Variants in ST6GALNAC1 observed in about 807,000 individuals in gnomAD.
ST6GALNAC1 encodes ST6 N-acetylgalactosaminide alpha-2,6-sialyltransferase 1.
ST6GALNAC1 carries 45 observed loss-of-function variants against 56.8 expected under a neutral mutation model. The observed-to-expected ratio is 0.79, with a 90% CI of 0.62 to 1.02. ST6GALNAC1 has a LOEUF of 1.02. ST6GALNAC1 is among the 50% of genes least tolerant of loss of function. The pLI is 0.00. For missense variants in ST6GALNAC1, 743 were observed against 754.8 expected, an observed-to-expected ratio of 0.98 and a Z score of 0.18; for synonymous variants, 295 against 297.8, an observed-to-expected ratio of 0.99 and a Z score of 0.10.
chr17:76,630,566 C>A (rs1295091775), intron 1 of ST6GALNAC1, among the ~76,000 whole-genome samples: 1 of 151,492 alleles, frequency 6.6e-6, no homozygotes, highest in Non-Finnish European at 1.5e-5. Context: ...TCCCAGGGAT[C>A]CTTCCTCCTT....
downstream of ST6GALNAC1, among the ~76,000 whole-genome samples, chr17:76,622,000 T>A (rs1301752916): frequency 2.0e-5 from 3 of 150,332 alleles, no homozygotes; most frequent in African/African-American, 7.3e-5. Context: ...GGTCTTGTTA[T>A]GTTGCCCAGG....
rs532843667 is a variant in ST6GALNAC1, at chr17:76,627,974, G to A, written c.832-391C>T. Among the ~76,000 whole-genome samples the A allele has an allele frequency of 1.5e-3, 235 of 152,086 alleles. 1 individual carries two copies. Among genetic ancestry groups the A allele is most frequent in the African/African-American group, 5.4e-3 (225 of 41,514 alleles). ...TAGCCGGGCGTGGTGGCGGGCGCCT[G>A]TAGTTCCAGCTACTCGGGAGGCTGA... On this transcript the variant is annotated intron_variant, in intron 2 of 8. Transcript: ENST00000156626. This position sits in a 1 kb window ranked among gnomAD's most constrained non-coding sequence, Gnocchi z 4.4.
At chr17:76,622,252 C>CTA (rs143088443), downstream of ST6GALNAC1, among the ~76,000 whole-genome samples, 34,190 of 148,424 alleles carry the variant, frequency 0.23, 4,159 homozygotes, top group East Asian at 0.42. Flanking sequence ...AAGTCCTTTA[C>CTA]TATATATATA....
Position 76,629,066 on chromosome 17 carries a change from C to T in ST6GALNAC1, c.777G>A (p.Glu259=), listed in dbSNP as rs1477364834. Residue 259 remains glutamate, a synonymous_variant, in exon 2 of 9, where the codon GAG becomes GAA. Transcript: ENST00000156626. ...QRLKAANFKS[E]PRWDFEEKYS... ...ATTTTTCCTCAAAATCCCACCGAGG[C>T]TCAGATTTGAAGTTGGCGGCCTTCA... is the stretch of plus-strand genomic sequence containing the variant. The T allele has an allele frequency of 6.4e-7, 1 of 1,564,134 alleles. No homozygotes were observed. The highest frequency in any genetic ancestry group is 2.3e-5 in the East Asian group (1 of 44,280).
intron 1 of ST6GALNAC1, chr17:76,641,853 A>G (rs1347594910): frequency 6.6e-6 from 1 of 152,152 alleles, no homozygotes; most frequent in African/African-American, 2.4e-5. Flanking sequence ...GTGGACCTGT[A>G]TGTCCCGACA....
intron 1 of ST6GALNAC1, among the ~76,000 whole-genome samples, chr17:76,634,711 C>A (rs193108276): frequency 6.6e-6 from 1 of 151,996 alleles, no homozygotes; most frequent in Admixed American, 6.6e-5. Flanking sequence ...TGGTGAAACC[C>A]CATCTCTATT....
downstream of ST6GALNAC1, among the ~76,000 whole-genome samples, chr17:76,622,566 T>C (rs1156886266): frequency 6.6e-6 from 1 of 152,122 alleles, no homozygotes; most frequent in African/African-American, 2.4e-5. Context: ...GGTTTCGCCA[T>C]GTTGGCCAGA....
intron 1 of ST6GALNAC1, among the ~76,000 whole-genome samples, chr17:76,639,876 C>CT (rs1306580087): frequency 6.6e-6 from 1 of 151,880 alleles, no homozygotes; most frequent in Non-Finnish European, 1.5e-5. Flanking sequence ...GAAAACTCCT[C>CT]TTTTTTCAAG....
In ST6GALNAC1 at chr17:76,629,169, G is replaced by A; in HGVS notation, c.674C>T (p.Pro225Leu). ...GGCCTGAGGTTTCTTCTCCTTAGGT[G>A]GGATGACTGCTGTGGTCACTCCTTT... is the stretch of plus-strand genomic sequence containing the variant. ...RQKGVTTAVI[P>L]PKEKKPQATP... Residue 225 changes from proline (P) to leucine (L), a missense_variant, in exon 2 of 9, where the codon CCA becomes CTA. Transcript: ENST00000156626. 1 of 1,614,150 alleles carries A rather than the reference G, an allele frequency of 6.2e-7. No individual in the cohort carries two copies.
chr17:76,634,612 G>A (rs923775420), intron 1 of ST6GALNAC1, among the ~76,000 whole-genome samples: 1 of 120,206 alleles, frequency 8.3e-6, no homozygotes, highest in Non-Finnish European at 1.6e-5. Flanking sequence ...GGTGCCTCAC[G>A]CCTGTAATCC....
At chr17:76,631,950 C>T (rs969555648) in intron 1 of ST6GALNAC1, among the ~76,000 whole-genome samples, 6 of 152,200 alleles carry the variant, frequency 3.9e-5, no homozygotes, top group African/African-American at 1.4e-4. Flanking sequence ...GTGAAGAACA[C>T]ATTCTTGATC....
downstream of ST6GALNAC1, among the ~76,000 whole-genome samples, chr17:76,619,811 C>A (rs942763916): frequency 4.6e-5 from 6 of 130,090 alleles, no homozygotes; most frequent in African/African-American, 1.7e-4. Context: ...ATGGCGCAAT[C>A]TTGCTCATGG....
chr17:76,621,956 T>G (rs1201249743), downstream of ST6GALNAC1, among the ~76,000 whole-genome samples: 5 of 150,174 alleles, frequency 3.3e-5, no homozygotes, highest in African/African-American at 1.2e-4. Flanking sequence ...TTTTTTTTTT[T>G]TTGTTGTTTT....
At position 76,629,370 on chromosome 17, in the gene ST6GALNAC1, C is replaced by T; in HGVS notation, c.473G>A (p.Ser158Asn). ...TCCTTGGGTCGTCTTTGTGTCCTGG[C>T]TCTTCCATGATTGTGCCTCTGTCCT... ...SGRTEAQSWK[S>N]QDTKTTQGNG... Residue 158 changes from serine (S) to asparagine (N), a missense_variant, in exon 2 of 9, where the codon AGC becomes AAC. Transcript: ENST00000156626. The T allele has an allele frequency of 1.2e-6, 2 of 1,614,178 alleles. No homozygotes were observed. Among genetic ancestry groups the T allele is most frequent in the Non-Finnish European group, 1.7e-6 (2 of 1,180,018 alleles).
At position 76,626,745 on chromosome 17, in the gene ST6GALNAC1, G is replaced by C; in HGVS notation, c.1217C>G (p.Thr406Ser). 1 of 1,614,158 alleles carries C rather than the reference G, an allele frequency of 6.2e-7. No homozygotes were observed. Among genetic ancestry groups the C allele is most frequent in the Non-Finnish European group, 8.5e-7 (1 of 1,179,966 alleles). ...GGTAAAGCCGTAGAAGGATGTCCGA[G>C]TCCCCACATCCTGTTCGTAGCCTTT... The part of the protein sequence containing the change: ...LIKGYEQDVG[T>S]RTSFYGFTAF... Residue 406 changes from threonine to serine, a missense_variant, in exon 5 of 9, where the codon ACT (threonine) becomes AGT (serine). Thr to Ser is a moderately conservative substitution (Grantham distance 58). Transcript: ENST00000156626.
At chr17:76,630,995 A>G (rs1045168427) in intron 1 of ST6GALNAC1, among the ~76,000 whole-genome samples, 16 of 151,572 alleles carry the variant, frequency 1.1e-4, no homozygotes, top group Non-Finnish European at 2.1e-4. Flanking sequence ...CCTGGGCTCA[A>G]GCGATCCTGT....
downstream of ST6GALNAC1, among the ~76,000 whole-genome samples, chr17:76,621,943 C>CTTTTTTTTTTT (rs71158041): frequency 7.2e-5 from 10 of 137,990 alleles, no homozygotes; most frequent in Middle Eastern, 3.4e-3. Context: ...TCTTTCTTTT[C>CTTTTTTTTTTT]TTTTTTTTTT....
chr17:76,617,606 C>T, the ST6GALNAC1 span, among the ~76,000 whole-genome samples: 2 of 151,864 alleles, frequency 1.3e-5, no homozygotes, highest in East Asian at 1.9e-4. Context: ...CCTGTCTCTA[C>T]AAAAAGTTTT....
At chr17:76,636,931 T>C (rs1425579395) in intron 1 of ST6GALNAC1, among the ~76,000 whole-genome samples, 2 of 151,660 alleles carry the variant, frequency 1.3e-5, no homozygotes, top group South Asian at 4.2e-4. Context: ...CTAAGAAAAA[T>C]TCTTCTGCCT....
Sources: allele counts gnomAD v4.1 joint callset (sites outside exome capture counted in the v4.1 genomes callset), GRCh38; gene constraint gnomAD v4.1.1; non-coding constraint Gnocchi (gnomAD v3.1); transcripts MANE v1.5; gene names NCBI Gene and HGNC (gene_info 2026-07-23, HGNC 2026-07-21).